Variants in ITGB6 observed in about 807,000 individuals in gnomAD.
ITGB6 encodes the protein integrin subunit beta 6.
In ITGB6, 80 loss-of-function variants were observed where a neutral mutation model predicts 84.5. That is an observed-to-expected ratio of 0.95 (90% CI 0.79 to 1.14). ITGB6 has a LOEUF of 1.14. Among genes scored for constraint, ITGB6 ranks in the 50% most tolerant of loss-of-function variants. The pLI is 0.00. For synonymous variants in ITGB6, 383 were observed against 354.9 expected, an observed-to-expected ratio of 1.08 and a Z score of -0.89; for missense variants, 1,006 against 968.0, an observed-to-expected ratio of 1.04 and a Z score of -0.52.
intron 7 of ITGB6, among the ~76,000 whole-genome samples, chr2:160,162,228 A>T (rs1684845037): frequency 2.0e-5 from 3 of 152,220 alleles, no homozygotes; most frequent in Non-Finnish European, 4.4e-5. Flanking sequence ...GTATCTTACC[A>T]TAATAAGAAA....
chr2:160,123,084 T>A (rs891675352), intron 12 of ITGB6, among the ~76,000 whole-genome samples: 5 of 152,230 alleles, frequency 3.3e-5, no homozygotes, highest in African/African-American at 1.2e-4. Flanking sequence ...CAAATTATTG[T>A]TTAAAAGGTA....
At chr2:160,118,730 T>C (rs1245118763) in intron 12 of ITGB6, among the ~76,000 whole-genome samples, 1 of 150,688 alleles carries the variant, frequency 6.6e-6, no homozygotes, top group African/African-American at 2.4e-5. Context: ...AAATTGTCCC[T>C]GTTTGCAGAT....
At chr2:160,113,944 C>G (rs968362440) in intron 12 of ITGB6, among the ~76,000 whole-genome samples, 1 of 152,150 alleles carries the variant, frequency 6.6e-6, no homozygotes, top group African/African-American at 2.4e-5. Flanking sequence ...CTTTCCCCCT[C>G]TCTGTGGGAA....
At chr2:160,127,971 T>A (rs1473204659) in intron 10 of ITGB6, among the ~76,000 whole-genome samples, 2 of 152,142 alleles carry the variant, frequency 1.3e-5, no homozygotes, top group South Asian at 4.1e-4. Context: ...AATGTATATA[T>A]CTCCTAATTT....
chr2:160,141,579 T>C (rs1684002246), intron 8 of ITGB6, among the ~76,000 whole-genome samples: 1 of 152,210 alleles, frequency 6.6e-6, no homozygotes, highest in Non-Finnish European at 1.5e-5. Flanking sequence ...GCTTGAGTTA[T>C]GACCTAGTAT....
intron 14 of ITGB6, 49 bp downstream of exon 14, chr2:160,107,630 C>A: frequency 6.4e-7 from 1 of 1,570,016 alleles, no homozygotes; most frequent in Non-Finnish European, 8.8e-7. Flanking sequence ...ATCTCTTCCA[C>A]CAGCCTCTTT....
chr2:160,182,809 C>A (rs1204489499), intron 4 of ITGB6, among the ~76,000 whole-genome samples: 1 of 152,192 alleles, frequency 6.6e-6, no homozygotes, highest in Non-Finnish European at 1.5e-5. Flanking sequence ...AGAAACCCTA[C>A]AAGCCAGAGG....
At chr2:160,188,304 G>C (rs886769684) in intron 4 of ITGB6, among the ~76,000 whole-genome samples, 1 of 152,186 alleles carries the variant, frequency 6.6e-6, no homozygotes, top group Non-Finnish European at 1.5e-5. Context: ...GAGAAACTAA[G>C]AGAGTTAGGG....
chr2:160,106,388 CCACCA>C (rs1355807488), intron 14 of ITGB6, among the ~76,000 whole-genome samples: 8 of 152,102 alleles, frequency 5.3e-5, no homozygotes, highest in African/African-American at 1.9e-4. Flanking sequence ...CAGGTGTGAA[CCACCA>C]TGCCTGGCTA....
intron 4 of ITGB6, among the ~76,000 whole-genome samples, chr2:160,176,299 G>C (rs1685417735): frequency 6.6e-6 from 1 of 152,186 alleles, no homozygotes; most frequent in African/African-American, 2.4e-5. Context: ...GAGGCTCTTG[G>C]ATGGATGTGG....
At position 160,196,212 on chromosome 2, in the gene ITGB6, A is replaced by G. The variant is rs201573869; in HGVS notation, c.346+4T>C. 97 of 1,613,120 alleles carry G rather than the reference A, an allele frequency of 6.0e-5. No homozygotes were observed. Among genetic ancestry groups the G allele is most frequent in the Admixed American group, 5.7e-4 (34 of 60,004 alleles). ...CTATTTACATGAGCCAAATCCTAAC[A>G]TACCTGGTCTCAACTTAAGGATCAA... On this transcript the variant is annotated splice_donor_region_variant and intron_variant, in intron 3 of 14. Coordinates refer to ENST00000283249, the MANE Select transcript of ITGB6 (RefSeq NM_000888.5).
chr2:160,147,905 G>C (rs1470563769), intron 7 of ITGB6, among the ~76,000 whole-genome samples: 1 of 152,146 alleles, frequency 6.6e-6, no homozygotes, highest in East Asian at 1.9e-4. Context: ...ATTATCTTGA[G>C]TATGTTGATG....
chr2:160,136,351 A>G (rs1442562500), intron 10 of ITGB6, among the ~76,000 whole-genome samples: 1 of 152,174 alleles, frequency 6.6e-6, no homozygotes, highest in East Asian at 1.9e-4. Context: ...CCACAATGAG[A>G]TACCATCTTA....
At chr2:160,110,081 G>GA (rs1697070873) in intron 13 of ITGB6, among the ~76,000 whole-genome samples, 1 of 152,170 alleles carries the variant, frequency 6.6e-6, no homozygotes, top group Non-Finnish European at 1.5e-5. Flanking sequence ...GGATGATGCT[G>GA]ATCTAACATC....
At position 160,135,161 on chromosome 2, in the gene ITGB6, G is replaced by A. The variant is rs1467365372; in HGVS notation, c.1660+2273C>T. 8.0e-5 allele frequency among the ~76,000 whole-genome samples: 12 copies of A among 149,470 alleles called. No individual in the cohort carries two copies. In the East Asian group the frequency reaches 9.8e-4, roughly 12 times the overall value. The stretch of plus-strand genomic sequence containing the variant: ...GATTGTATATCTAGAAAACCCCACT[G>A]TCTCAGCCCAAAATCTCCTTAAGCT... On this transcript the variant is annotated intron_variant, in intron 10 of 14. Coordinates refer to ENST00000283249, the MANE Select transcript of ITGB6 (RefSeq NM_000888.5).
At chr2:160,198,236 C>T (rs1304905720) in intron 2 of ITGB6, among the ~76,000 whole-genome samples, 2 of 152,120 alleles carry the variant, frequency 1.3e-5, no homozygotes, top group East Asian at 3.9e-4. Context: ...TTTGTGGCCG[C>T]GTTGGTCAAG....
chr2:160,121,878 A>T (rs1457427742), intron 12 of ITGB6, among the ~76,000 whole-genome samples: 1 of 151,452 alleles, frequency 6.6e-6, no homozygotes, highest in African/African-American at 2.4e-5. Flanking sequence ...CATACAGATT[A>T]TAAAGTTATG....
intron 12 of ITGB6, among the ~76,000 whole-genome samples, chr2:160,116,047 G>C (rs1305936718): frequency 6.8e-6 from 1 of 147,070 alleles, no homozygotes; most frequent in Non-Finnish European, 1.5e-5. Flanking sequence ...TGGTGTACCT[G>C]AAAGTGACGG....
intron 4 of ITGB6, among the ~76,000 whole-genome samples, chr2:160,178,634 G>A: frequency 6.8e-6 from 1 of 147,308 alleles, no homozygotes; most frequent in East Asian, 2.0e-4. Flanking sequence ...TATTGCCCAT[G>A]TTTTGATCAG....
Sources: gnomAD v4.1 joint callset for allele counts (sites outside exome capture counted in the v4.1 genomes callset) on GRCh38, gnomAD v4.1.1 for gene constraint, MANE v1.5 for transcripts, NCBI Gene and HGNC (gene_info 2026-07-23, HGNC 2026-07-21) for gene names.